Variants in DCUN1D4 observed in about 807,000 individuals in gnomAD.
DCUN1D4 encodes the protein DCN1-like protein 4.
A neutral mutation model predicts 47.9 loss-of-function variants in DCUN1D4; 22 were observed. The observed-to-expected ratio is 0.46, with a 90% CI of 0.33 to 0.66. The LOEUF (loss-of-function observed/expected upper bound fraction) is 0.66, where lower values mean the gene tolerates loss of function less well. Ranked by LOEUF, DCUN1D4 falls within the 30% of genes least tolerant of loss-of-function variation. The probability of loss-of-function intolerance (pLI) is 0.02; values close to 1 mark genes in which losing one functional copy is unlikely to be tolerated. For synonymous variants in DCUN1D4, 121 were observed against 112.2 expected (o/e 1.08, Z -0.50); for missense variants, 301 against 340.8 (o/e 0.88, Z 0.92).
At chr4:51,846,200 T>G (rs1156644590) in intron 1 of DCUN1D4, among the ~76,000 whole-genome samples, 1 of 152,192 alleles carries the variant, frequency 6.6e-6, no homozygotes, top group Non-Finnish European at 1.5e-5. Context: ...CTGCTCTGGT[T>G]TTTAGGTTCC....
At chr4:51,872,577 A>C (rs544953061) in intron 3 of DCUN1D4, among the ~76,000 whole-genome samples, 1 of 152,194 alleles carries the variant, frequency 6.6e-6, no homozygotes, top group South Asian at 2.1e-4. Flanking sequence ...CTTCCAGGAC[A>C]TGACACTCTC....
At chr4:51,837,013 C>T in the DCUN1D4 span, among the ~76,000 whole-genome samples, 7 of 152,172 alleles carry the variant, frequency 4.6e-5, no homozygotes, top group Non-Finnish European at 8.8e-5. Context: ...TTCTGTCCAG[C>T]CCCTGCTAGC....
At chr4:51,895,251 G>T (rs1047546835) in intron 7 of DCUN1D4, among the ~76,000 whole-genome samples, 1 of 151,704 alleles carries the variant, frequency 6.6e-6, no homozygotes, top group Non-Finnish European at 1.5e-5. Flanking sequence ...GAAACAGAAA[G>T]CCCATCGGCT....
upstream of DCUN1D4, among the ~76,000 whole-genome samples, chr4:51,838,849 C>T (rs1217183794): frequency 6.6e-6 from 1 of 152,148 alleles, no homozygotes; most frequent in Non-Finnish European, 1.5e-5. Context: ...CTGAGGCGGG[C>T]AGATCACCTG....
Position 51,875,927 on chromosome 4 carries a change from C to G in DCUN1D4, c.251+1542C>G, listed in dbSNP as rs577982542. 2.0e-5 allele frequency among the ~76,000 whole-genome samples: 3 copies of G among 151,868 alleles called. No homozygotes were observed. The East Asian group carries it at 5.8e-4, about 29-fold the overall frequency. Reference sequence around the variant, plus strand: ...TGAGCTGAGATAGGAATGCCTGGGCCCAGAATTAGATCATATCTATTTGAA... The same window carrying G: ...TGAGCTGAGATAGGAATGCCTGGGCGCAGAATTAGATCATATCTATTTGAA... On this transcript the variant is annotated intron_variant, in intron 4 of 10. Coordinates refer to ENST00000334635, the MANE Select transcript of DCUN1D4 (RefSeq NM_001040402.3).
chr4:51,909,975 G>T (rs1733478806), intron 8 of DCUN1D4, among the ~76,000 whole-genome samples: 1 of 152,194 alleles, frequency 6.6e-6, no homozygotes, highest in Non-Finnish European at 1.5e-5. Flanking sequence ...TCACTGTTAA[G>T]CGTCCTTGCA....
At chr4:51,868,483 T>C (rs950190531) in intron 3 of DCUN1D4, among the ~76,000 whole-genome samples, 2 of 152,254 alleles carry the variant, frequency 1.3e-5, no homozygotes, top group African/African-American at 4.8e-5. Context: ...AGTAGTCAAC[T>C]TCATTAACAT....
chr4:51,865,709 T>C (rs1560469476), intron 3 of DCUN1D4, among the ~76,000 whole-genome samples: 1 of 152,224 alleles, frequency 6.6e-6, no homozygotes, highest in African/African-American at 2.4e-5. Flanking sequence ...TTTTGGGGGC[T>C]GTTGAGATTT....
intron 8 of DCUN1D4, 120 bp downstream of exon 8, chr4:51,899,498 T>C: frequency 6.8e-7 from 1 of 1,473,642 alleles, no homozygotes; most frequent in Non-Finnish European, 8.9e-7. Context: ...ACTCCCAGGA[T>C]GCTAGTTAGT....
intron 3 of DCUN1D4, among the ~76,000 whole-genome samples, chr4:51,869,302 G>GT (rs1051773245): frequency 4.3e-4 from 65 of 152,066 alleles, no homozygotes; most frequent in Admixed American, 5.9e-4. Context: ...TTAGCTACTG[G>GT]TAAGATATCT....
At chr4:51,858,820 G>A (rs566977954) in intron 1 of DCUN1D4, among the ~76,000 whole-genome samples, 1 of 152,344 alleles carries the variant, frequency 6.6e-6, no homozygotes, top group East Asian at 1.9e-4. Flanking sequence ...TTGGAAAGCA[G>A]CCATACTTAC....
At position 51,861,027 on chromosome 4, in the gene DCUN1D4, T is replaced by C. The variant is rs1407046807; in HGVS notation, c.26-2410T>C. Reference sequence around the variant, plus strand: ...AAATATAGTCGGAATTGATGTCTTTTATTGAGCACTTACTATCTTCCAGGT... The same window carrying C: ...AAATATAGTCGGAATTGATGTCTTTCATTGAGCACTTACTATCTTCCAGGT... On this transcript the variant is annotated intron_variant, in intron 1 of 10. Transcript: ENST00000334635. Among the ~76,000 whole-genome samples the C allele has an allele frequency of 2.0e-5, 3 of 152,364 alleles. No homozygotes were observed. The East Asian group carries it at 5.8e-4, about 29-fold the overall frequency.
intron 8 of DCUN1D4, among the ~76,000 whole-genome samples, chr4:51,901,075 T>C (rs1463259894): frequency 1.3e-5 from 2 of 152,148 alleles, no homozygotes; most frequent in Admixed American, 6.5e-5. Context: ...AGCCCTCTTC[T>C]GGTAGCCTCA....
chr4:51,856,023 G>A (rs1724084163), intron 1 of DCUN1D4, among the ~76,000 whole-genome samples: 1 of 152,188 alleles, frequency 6.6e-6, no homozygotes, highest in Non-Finnish European at 1.5e-5. Flanking sequence ...ACACCCTTAA[G>A]CATTCCCTGA....
the DCUN1D4 span, among the ~76,000 whole-genome samples, chr4:51,834,128 T>TTTTTTTTTTG: frequency 6.9e-6 from 1 of 144,638 alleles, no homozygotes; most frequent in Non-Finnish European, 1.5e-5. Context: ...TTTTTTTTTT[T>TTTTTTTTTTG]GCTGTAAATC....
intron 1 of DCUN1D4, chr4:51,843,677 AGCGG>A (rs1721969573): frequency 8.4e-7 from 1 of 1,195,610 alleles, no homozygotes; most frequent in African/African-American, 1.8e-5. Context: ...CGAGCGAGCG[AGCGG>A]GGCACAAGGG....
chr4:51,900,976 C>G (rs1560512401), intron 8 of DCUN1D4, among the ~76,000 whole-genome samples: 1 of 152,094 alleles, frequency 6.6e-6, no homozygotes, highest in East Asian at 1.9e-4. Flanking sequence ...GGGCAGTCAC[C>G]CTGGCACATC....
intron 1 of DCUN1D4, among the ~76,000 whole-genome samples, chr4:51,861,476 G>A (rs1304794805): frequency 6.6e-6 from 1 of 152,164 alleles, no homozygotes; most frequent in Admixed American, 6.5e-5. Context: ...ATAAAGGAGG[G>A]AGAAAGATAT....
chr4:51,860,696 T>A (rs1724918617), intron 1 of DCUN1D4: 1 of 452,638 alleles, frequency 2.2e-6, no homozygotes, highest in Non-Finnish European at 4.4e-6. Flanking sequence ...TTTAAATGAC[T>A]GAACCCCATA....
Sources: allele counts gnomAD v4.1 joint callset (sites outside exome capture counted in the v4.1 genomes callset), GRCh38; gene constraint gnomAD v4.1.1; transcripts MANE v1.5; gene names NCBI Gene and HGNC (gene_info 2026-07-23, HGNC 2026-07-21).